Variants in AMPD1 observed in about 807,000 individuals in gnomAD.
The protein encoded by AMPD1 is adenosine monophosphate deaminase 1.
In AMPD1, 74 loss-of-function variants were observed where a neutral mutation model predicts 82.9. The observed-to-expected ratio is 0.89, with a 90% confidence interval of 0.74 to 1.08. AMPD1 has a LOEUF of 1.08. Among genes scored for constraint, AMPD1 ranks in the 50% least tolerant of loss-of-function variants. The probability of loss-of-function intolerance (pLI) is 0.00; values close to 1 mark genes in which losing one functional copy is unlikely to be tolerated. For missense variants in AMPD1, 881 were observed against 924.5 expected (o/e 0.95, Z 0.61); for synonymous variants, 333 against 320.5 (o/e 1.04, Z -0.42).
In AMPD1 at chr1:114,673,990, T is replaced by C. The variant is rs765059820; in HGVS notation, c.1893A>G (p.Lys631=). 1.2e-6 allele frequency: 2 copies of C among 1,613,946 alleles called. No individual in the cohort carries two copies. Among genetic ancestry groups the C allele is most frequent in the East Asian group, 4.5e-5 (2 of 44,880 alleles). Reference sequence around the variant, plus strand: ...TCTGAAGGAAATCCAAAAAAGGATTTTTGGCATACTCTAGAAATAGGCTAT... The same window carrying C: ...TCTGAAGGAAATCCAAAAAAGGATTCTTGGCATACTCTAGAAATAGGCTAT... ...SNNSLFLEYA[K]NPFLDFLQKG... The change falls in exon 14 of 16, where the codon AAA becomes AAG. Residue 631 remains lysine (K), a synonymous_variant. Transcript: ENST00000520113.
intron 1 of AMPD1, among the ~76,000 whole-genome samples, chr1:114,693,684 A>G (rs186006022): frequency 9.8e-5 from 15 of 152,318 alleles, no homozygotes; most frequent in Admixed American, 6.5e-5. Context: ...ACTTTTTAAA[A>G]GGCACTCTCT....
chr1:114,678,751 G>T (rs974693515), intron 7 of AMPD1, among the ~76,000 whole-genome samples: 2 of 152,164 alleles, frequency 1.3e-5, no homozygotes, highest in Admixed American at 1.3e-4. Flanking sequence ...AAGAATGCTT[G>T]CTTCTTCTGT....
At position 114,677,386 on chromosome 1, in the gene AMPD1, G is replaced by A. The variant is rs1444993388; in HGVS notation, c.1353C>T (p.Pro451=). The change falls in exon 10 of 16, where the codon CCC becomes CCT. Residue 451 remains proline (P), a synonymous_variant. Coordinates refer to ENST00000520113, the MANE Select transcript of AMPD1 (RefSeq NM_000036.3). ...GAACCTGGATCATCCATGTCATGTT[G>A]GGGCAGTGGATGCGATTGCAGACGA... ...SWFVCNRIHC[P]NMTWMIQVPR... The A allele has an allele frequency of 6.2e-7, 1 of 1,610,632 alleles. No homozygotes were observed. Among genetic ancestry groups the A allele is most frequent in the South Asian group, 1.1e-5 (1 of 90,764 alleles).
rs377513152 is a variant in AMPD1, at chr1:114,678,395, G to T, written c.1030C>A (p.Leu344Ile). 4.3e-6 allele frequency: 7 copies of T among 1,614,016 alleles called. No homozygotes were observed. Among genetic ancestry groups the T allele is most frequent in the Non-Finnish European group, 5.9e-6 (7 of 1,180,030 alleles). The stretch of plus-strand genomic sequence containing the variant: ...GGATGCATTTTTAATTTAGCAAAAA[G>T]TTCCTTTAGGGTCAGATTCTTCTCT... ...TKEKNLTLKE[L>I]FAKLKMHPYD... Residue 344 changes from leucine to isoleucine, a missense_variant, in exon 8 of 16, where the codon CTT becomes ATT. Leu to Ile is a conservative substitution (Grantham distance 5, BLOSUM62 2). This residue lies in a region of AMPD1 where 783 missense variants were observed against 786.4 expected (regional missense o/e 1.00). Transcript: ENST00000520113.
chr1:114,677,168 G>A (rs1658011249), intron 10 of AMPD1, among the ~76,000 whole-genome samples, 183 bp downstream of exon 10: 1 of 151,810 alleles, frequency 6.6e-6, no homozygotes, highest in South Asian at 2.1e-4. Context: ...CTTAACTCCT[G>A]TCTGTGGTTA....
chr1:114,676,155 C>G (rs1657976207), intron 10 of AMPD1, 152 bp from the exon 11 acceptor site: 11 of 982,602 alleles, frequency 1.1e-5, no homozygotes, highest in Non-Finnish European at 1.7e-5. Context: ...TCTTTTTGGT[C>G]CCCTATAGAG....
At chr1:114,688,966 A>G (rs768117999) in intron 2 of AMPD1, 106 of 734,428 alleles carry the variant, frequency 1.4e-4, no homozygotes, top group South Asian at 7.1e-4. Flanking sequence ...TTCTCATAGC[A>G]CATTTCAGAA....
chr1:114,674,959 G>A, intron 12 of AMPD1, 87 bp from the exon 13 acceptor site: 1 of 1,543,834 alleles, frequency 6.5e-7, no homozygotes. Flanking sequence ...GAACACTCTG[G>A]AAGGAAGTAA....
At chr1:114,685,473 T>C (rs1020959020) in intron 4 of AMPD1, among the ~76,000 whole-genome samples, 2 of 152,184 alleles carry the variant, frequency 1.3e-5, no homozygotes, top group African/African-American at 2.4e-5. Flanking sequence ...AAGACTAATT[T>C]GGGTACAGAC....
At chr1:114,690,662 C>G (rs1172631894) in intron 2 of AMPD1, among the ~76,000 whole-genome samples, 1 of 152,156 alleles carries the variant, frequency 6.6e-6, no homozygotes, top group Non-Finnish European at 1.5e-5. Context: ...CATGAAGGAA[C>G]AAATGGAACA....
At chr1:114,676,321 T>C (rs1043453930) in intron 10 of AMPD1, 1 of 349,942 alleles carries the variant, frequency 2.9e-6, no homozygotes, top group African/African-American at 2.1e-5. Context: ...CTTCAATATA[T>C]GTGTGTAACT....
At chr1:114,691,462 G>A (rs1197570410) in intron 2 of AMPD1, among the ~76,000 whole-genome samples, 1 of 151,696 alleles carries the variant, frequency 6.6e-6, no homozygotes, top group African/African-American at 2.4e-5. Flanking sequence ...CAGCTACTCA[G>A]GAGACTGAGG....
Position 114,678,473 on chromosome 1 carries a change from A to G in AMPD1, c.952T>C (p.Phe318Leu), listed in dbSNP as rs749848289. Residue 318 changes from phenylalanine to leucine, a missense_variant, in exon 8 of 16, where the codon TTT becomes CTT. By Grantham distance (22) the Phe-to-Leu change is conservative. Coordinates refer to ENST00000520113, the MANE Select transcript of AMPD1 (RefSeq NM_000036.3). ...TCAATTTGGTAAGATTTCTTAATAA[A>G]ACGCAGCAGATGTTTCTGGTTCATG... ...ACMNQKHLLR[F>L]IKKSYQIDAD... 2 of 1,614,216 alleles carry G rather than the reference A, an allele frequency of 1.2e-6. No individual in the cohort carries two copies. The highest frequency in any genetic ancestry group is 1.7e-6 in the Non-Finnish European group (2 of 1,180,036).
intron 15 of AMPD1, 101 bp downstream of exon 15, chr1:114,673,538 T>C: frequency 9.8e-7 from 1 of 1,016,034 alleles, no homozygotes; most frequent in Non-Finnish European, 1.5e-6. Flanking sequence ...TGCATATGAT[T>C]CGTGGAACAA....
rs930701280 is a variant in AMPD1 at position 114,686,775 on chromosome 1, T to G, written c.351A>C (p.Arg117Ser). The G allele has an allele frequency of 1.9e-6, 3 of 1,614,016 alleles. No homozygotes were observed. In the Admixed American group the frequency reaches 5.0e-5, roughly 27 times the overall value. Residue 117 changes from arginine (R) to serine (S), a missense_variant, in exon 4 of 16, where the codon AGA (arginine) becomes AGC (serine). Physicochemically the swap from Arg to Ser is moderately radical, Grantham distance 110 (BLOSUM62 -1). Around this residue, in one of 2 missense-constraint regions of AMPD1, gnomAD observed 783 missense variants for 786.4 expected, o/e 1.00. Coordinates refer to ENST00000520113, the MANE Select transcript of AMPD1 (RefSeq NM_000036.3). ...AGGCATAGTCACCAGTAATCTGCACTCTCTGAAAATCAGGCACGGTCTGGT... is the reference window on the plus strand; with the variant it reads ...AGGCATAGTCACCAGTAATCTGCACGCTCTGAAAATCAGGCACGGTCTGGT... ...PTYQTVPDFQ[R>S]VQITGDYASG...
chr1:114,693,003 T>C (rs1658559223), intron 2 of AMPD1, among the ~76,000 whole-genome samples: 1 of 151,628 alleles, frequency 6.6e-6, no homozygotes. Flanking sequence ...TGTGCACCTG[T>C]CATCTCAGCT....
At chr1:114,674,262 G>A (rs574740775) in intron 13 of AMPD1, among the ~76,000 whole-genome samples, 180 bp from the exon 14 acceptor site, 8 of 152,258 alleles carry the variant, frequency 5.3e-5, no homozygotes, top group Middle Eastern at 3.4e-3. Flanking sequence ...TAGAATAAAT[G>A]TACTTAGGAT....
intron 4 of AMPD1, 48 bp downstream of exon 4, chr1:114,686,697 C>G (rs1169305160): frequency 1.2e-6 from 2 of 1,602,704 alleles, no homozygotes; most frequent in African/African-American, 2.7e-5. Flanking sequence ...AACTGTCAAG[C>G]TGAATGGCTT....
Position 114,688,553 on chromosome 1 carries a change from C to T in AMPD1, c.215+8G>A, listed in dbSNP as rs781556684. ...CAATATACTAAGCACTCCCCTTACA[C>T]CACTTACCTCCTGGCTTCTGTGGAG... On this transcript the variant is annotated splice_region_variant and intron_variant, in intron 3 of 15. Transcript: ENST00000520113. The T allele has an allele frequency of 2.4e-5, 39 of 1,614,000 alleles. No individual in the cohort carries two copies. Among genetic ancestry groups the T allele is most frequent in the Non-Finnish European group, 3.0e-5 (35 of 1,180,010 alleles).
Sources: allele counts gnomAD v4.1 joint callset (sites outside exome capture counted in the v4.1 genomes callset), GRCh38; gene constraint gnomAD v4.1.1; regional missense constraint gnomAD v4.1.1; transcripts MANE v1.5; gene names NCBI Gene and HGNC (gene_info 2026-07-23, HGNC 2026-07-21).